The following EFHD1 variants were observed in gnomAD, a reference collection of about 807,000 sequenced individuals.
The protein encoded by EFHD1 is EF-hand domain family member D1.
EFHD1 carries 10 observed loss-of-function variants against 17.2 expected under a neutral mutation model. The observed-to-expected ratio is 0.58, with a 90% confidence interval of 0.36 to 0.99. The LOEUF is 0.99. Among genes scored for constraint, EFHD1 ranks in the 50% least tolerant of loss-of-function variants. The probability of loss-of-function intolerance (pLI) is 0.01; values close to 1 mark genes in which losing one functional copy is unlikely to be tolerated. For missense variants in EFHD1, 310 were observed against 327.5 expected, an observed-to-expected ratio of 0.95 and a Z score of 0.41; for synonymous variants, 153 against 142.0, an observed-to-expected ratio of 1.08 and a Z score of -0.55.
chr2:232,667,969 T>C (rs1694997926), intron 2 of EFHD1, among the ~76,000 whole-genome samples: 1 of 152,252 alleles, frequency 6.6e-6, no homozygotes, highest in Non-Finnish European at 1.5e-5. Flanking sequence ...GTTTGCATCA[T>C]CGGCCGAAGC....
chr2:232,656,910 C>G (rs990449225), intron 1 of EFHD1, among the ~76,000 whole-genome samples: 2 of 152,146 alleles, frequency 1.3e-5, no homozygotes, highest in African/African-American at 4.8e-5. Flanking sequence ...TCCCGAGTAG[C>G]TGGGACCGCA....
chr2:232,635,799 A>G (rs1694308793), intron 1 of EFHD1, among the ~76,000 whole-genome samples: 1 of 151,706 alleles, frequency 6.6e-6, no homozygotes, highest in Non-Finnish European at 1.5e-5. Flanking sequence ...AGCCAGGGTG[A>G]CAGAGGGAGA....
chr2:232,656,763 G>A (rs1694769498), intron 1 of EFHD1, among the ~76,000 whole-genome samples: 1 of 151,894 alleles, frequency 6.6e-6, no homozygotes, highest in Non-Finnish European at 1.5e-5. Flanking sequence ...TAAAAATTGT[G>A]GTGAGATATA....
upstream of EFHD1, among the ~76,000 whole-genome samples, chr2:232,631,452 T>C (rs1337271589): frequency 1.3e-5 from 2 of 151,568 alleles, no homozygotes; most frequent in African/African-American, 4.8e-5. Context: ...ACCTGGCTAG[T>C]TGTTTTTTAT....
At chr2:232,655,469 C>G (rs1417145671) in intron 1 of EFHD1, among the ~76,000 whole-genome samples, 2 of 152,230 alleles carry the variant, frequency 1.3e-5, no homozygotes, top group African/African-American at 4.8e-5. Context: ...TCAGATGAGT[C>G]TGTGTGCTCT....
chr2:232,678,517 G>C (rs894109351), intron 3 of EFHD1, among the ~76,000 whole-genome samples: 1 of 152,214 alleles, frequency 6.6e-6, no homozygotes, highest in Non-Finnish European at 1.5e-5. Flanking sequence ...GGGCGCGGTG[G>C]CTCATGCCTG....
chr2:232,633,602 G>A, upstream of EFHD1: 1 of 1,305,280 alleles, frequency 7.7e-7, no homozygotes, highest in Non-Finnish European at 9.7e-7. Flanking sequence ...CGCCGCCTCG[G>A]CGGAGTGTTG....
At chr2:232,634,941 C>T (rs1423696763) in intron 1 of EFHD1, among the ~76,000 whole-genome samples, 1 of 152,236 alleles carries the variant, frequency 6.6e-6, no homozygotes, top group Admixed American at 6.5e-5. Flanking sequence ...TTTAAAAGCG[C>T]ATGGAATGTG....
chr2:232,635,992 C>T (rs1319956363), intron 1 of EFHD1, among the ~76,000 whole-genome samples: 1 of 152,184 alleles, frequency 6.6e-6, no homozygotes, highest in East Asian at 1.9e-4. Context: ...AAAAAGCCAT[C>T]ACTAGCTTCA....
At chr2:232,633,561 C>G (rs1284709009), upstream of EFHD1, 29 of 1,287,292 alleles carry the variant, frequency 2.3e-5, no homozygotes, top group South Asian at 4.9e-5. Context: ...CCCGCCAGTC[C>G]GTCCTCAGAC....
intron 1 of EFHD1, among the ~76,000 whole-genome samples, chr2:232,607,317 G>A (rs1356615322): frequency 6.6e-6 from 1 of 151,802 alleles, no homozygotes; most frequent in Non-Finnish European, 1.5e-5. Context: ...TGGGCGCGGT[G>A]GCTCAGGCCT....
Position 232,633,666 on chromosome 2 carries a change from C to A in EFHD1, c.-39C>A. On this transcript the variant is annotated 5_prime_UTR_variant, in exon 1 of 4. Transcript: ENST00000264059. The stretch of plus-strand genomic sequence containing the variant: ...CGCCCGCCAGCTCCCTGCGTCCCGT[C>A]CCGCGTCCCCGCGTTCCCGCGTCCT... 2.9e-6 allele frequency: 4 copies of A among 1,393,098 alleles called. No homozygotes were observed. The African/African-American group carries it at 6.0e-5, about 21-fold the overall frequency. The allele number at this position is 1,393,098 out of a possible 1,614,324, so 86.3% of individuals were successfully genotyped here. A position where few individuals can be genotyped will look rare whatever the true frequency, so the allele number is the denominator to read the frequency against.
intron 1 of EFHD1, among the ~76,000 whole-genome samples, chr2:232,648,959 C>T (rs998392020): frequency 2.0e-5 from 3 of 152,144 alleles, no homozygotes; most frequent in African/African-American, 7.2e-5. Context: ...GCACTGCTAC[C>T]CTCCTGAGAA....
chr2:232,614,066 A>ACACACATACATATACACACATG (rs1553594271), intron 1 of EFHD1, among the ~76,000 whole-genome samples: 2 of 152,048 alleles, frequency 1.3e-5, no homozygotes, highest in East Asian at 1.9e-4. Context: ...ATACACATGC[A>ACACACATACATATACACACATG]CACACATTAT....
chr2:232,616,195 C>G (rs1341677666), intron 1 of EFHD1, among the ~76,000 whole-genome samples: 1 of 152,116 alleles, frequency 6.6e-6, no homozygotes, highest in African/African-American at 2.4e-5. Flanking sequence ...ACTCAGCCTT[C>G]GACAGGGAGG....
At chr2:232,614,616 A>G (rs1176470414) in intron 1 of EFHD1, among the ~76,000 whole-genome samples, 2 of 152,192 alleles carry the variant, frequency 1.3e-5, no homozygotes, top group African/African-American at 4.8e-5. Context: ...TTGTTTGGCA[A>G]TTGTGGAGTC....
chr2:232,660,164 G>A (rs1001479505), intron 1 of EFHD1, among the ~76,000 whole-genome samples: 2 of 145,778 alleles, frequency 1.4e-5, no homozygotes, highest in African/African-American at 2.5e-5. Flanking sequence ...TTAAATTTGT[G>A]TTATTTATTT....
rs1303843800 is a variant in EFHD1 at position 232,681,621 on chromosome 2, G to C, written c.622G>C (p.Glu208Gln). The C allele has an allele frequency of 6.2e-7, 1 of 1,614,230 alleles. No homozygotes were observed. The highest frequency in any genetic ancestry group is 2.2e-5 in the East Asian group (1 of 44,886). The change falls in exon 4 of 4, where the codon GAG (glutamate) becomes CAG (glutamine). Residue 208 changes from glutamate (E) to glutamine (Q), a missense_variant. By Grantham distance (29) the Glu-to-Gln change is conservative. Transcript: ENST00000264059. Reference sequence around the variant, plus strand: ...GTCATCGGCCAGTAAGTTTGAAGCAGAGTTGAAAGCTGAGCAAGATGAGCG... The same window carrying C: ...GTCATCGGCCAGTAAGTTTGAAGCACAGTTGAAAGCTGAGCAAGATGAGCG... ...ALSSASKFEA[E>Q]LKAEQDERKR...
upstream of EFHD1, among the ~76,000 whole-genome samples, chr2:232,629,587 G>A (rs1330571926): frequency 6.6e-6 from 1 of 151,848 alleles, no homozygotes; most frequent in East Asian, 1.9e-4. Flanking sequence ...TTCTGCCTCA[G>A]CCTCCCGAGT....
Sources: gnomAD v4.1 joint callset for allele counts (sites outside exome capture counted in the v4.1 genomes callset) on GRCh38, gnomAD v4.1.1 for gene constraint, MANE v1.5 for transcripts, NCBI Gene and HGNC (gene_info 2026-07-23, HGNC 2026-07-21) for gene names.